The following SLC22A4 variants were observed in gnomAD, a reference collection of about 807,000 sequenced individuals.
The protein encoded by SLC22A4 is solute carrier family 22 member 4, also known as ET transporter.
SLC22A4 carries 39 observed loss-of-function variants against 56.6 expected under a neutral mutation model. The ratio of observed to expected loss-of-function variants is 0.69; its 90% CI spans 0.53 to 0.90. The LOEUF is 0.90. Among genes scored for constraint, SLC22A4 ranks in the 40% least tolerant of loss-of-function variants. The pLI, the probability that SLC22A4 is intolerant of heterozygous loss-of-function variation, is 0.00. For synonymous variants in SLC22A4, 241 were observed against 281.4 expected (o/e 0.86, Z 1.44); for missense variants, 594 against 696.5 (o/e 0.85, Z 1.66).
intron 4 of SLC22A4, among the ~76,000 whole-genome samples, chr5:132,325,346 T>A (rs758079187): frequency 1.3e-5 from 2 of 152,198 alleles, no homozygotes; most frequent in Non-Finnish European, 2.9e-5. Flanking sequence ...TCAATCACAC[T>A]AGCTCAATAG....
At chr5:132,328,548 T>C (rs1054329468) in intron 5 of SLC22A4, among the ~76,000 whole-genome samples, 5 of 149,380 alleles carry the variant, frequency 3.3e-5, no homozygotes, top group African/African-American at 5.0e-5. Context: ...AAGAAGTCCA[T>C]TTCAAGTCTC....
chr5:132,327,389 T>C lies in SLC22A4; in HGVS notation c.937T>C (p.Phe313Leu), dbSNP rs750523509. 2.4e-5 allele frequency: 39 copies of C among 1,612,810 alleles called. No homozygotes were observed. In the Admixed American group the frequency reaches 4.2e-4, roughly 17 times the overall value. The stretch of plus-strand genomic sequence containing the variant: ...CAACATAGCTGTACCAGCAGTGATA[T>C]TTGATTCTGTGGAGGTAAGCATTTG... ...MNNIAVPAVI[F>L]DSVEELNPLK... The change falls in exon 5 of 10, where the codon TTT (phenylalanine) becomes CTT (leucine). Residue 313 changes from phenylalanine (F) to leucine (L), a missense_variant. Coordinates refer to ENST00000200652, the MANE Select transcript of SLC22A4 (RefSeq NM_003059.3).
intron 1 of SLC22A4, among the ~76,000 whole-genome samples, chr5:132,299,399 A>G (rs404771): frequency 3.3e-4 from 6 of 17,916 alleles, no homozygotes; most frequent in Non-Finnish European, 1.2e-3. Flanking sequence ...TTTTCGTTTT[A>G]TTTTATTTTA....
At chr5:132,304,110 CA>C (rs1168452824) in intron 1 of SLC22A4, among the ~76,000 whole-genome samples, 1 of 152,178 alleles carries the variant, frequency 6.6e-6, no homozygotes, top group Non-Finnish European at 1.5e-5. Flanking sequence ...ACAAACAAAA[CA>C]AGAAAGAGAC....
chr5:132,320,261 A>G (rs1210005185), intron 3 of SLC22A4, among the ~76,000 whole-genome samples: 1 of 152,214 alleles, frequency 6.6e-6, no homozygotes, highest in East Asian at 1.9e-4. Context: ...AAGGTAGGAG[A>G]AAGCTCCTCT....
Position 132,343,951 on chromosome 5 carries a change from G to A in SLC22A4, c.*116G>A. 3 of 676,672 alleles carry A rather than the reference G, an allele frequency of 4.4e-6. No individual in the cohort carries two copies. The highest frequency in any genetic ancestry group is 7.9e-6 in the Non-Finnish European group (3 of 381,242). The allele number at this position is 676,672 out of a possible 1,614,324, so 41.9% of individuals were successfully genotyped here. A position where few individuals can be genotyped will look rare whatever the true frequency, so the allele number is the denominator to read the frequency against. ...AACGATTGACACCAAAATGAACCTT[G>A]CTATCAAGAAATGCTCGTCATACAG... On this transcript the variant is annotated 3_prime_UTR_variant, in exon 10 of 10. Transcript: ENST00000200652.
At chr5:132,301,704 C>G (rs551639527) in intron 1 of SLC22A4, among the ~76,000 whole-genome samples, 13 of 152,350 alleles carry the variant, frequency 8.5e-5, no homozygotes, top group African/African-American at 2.9e-4. Context: ...CAGACTAACC[C>G]TCACATGCGG....
chr5:132,306,414 T>G (rs1251329151), intron 1 of SLC22A4, among the ~76,000 whole-genome samples: 1 of 71,250 alleles, frequency 1.4e-5, no homozygotes, highest in African/African-American at 6.5e-5. Flanking sequence ...TATATATATA[T>G]ATATATATAT....
chr5:132,301,304 C>T (rs1749899877), intron 1 of SLC22A4, among the ~76,000 whole-genome samples: 1 of 152,276 alleles, frequency 6.6e-6, no homozygotes, highest in South Asian at 2.1e-4. Context: ...AGGTCTTGTG[C>T]TCCAGAGGCC....
At position 132,331,783 on chromosome 5, in the gene SLC22A4, G is replaced by A. The variant is rs1235545153; in HGVS notation, c.979G>A (p.Ala327Thr). Reference protein sequence around the residue: ...EELNPLKQQKAFILDLFRTRN... With the variant: ...EELNPLKQQKTFILDLFRTRN... ...GCTAAATCCCCTGAAGCAGCAGAAA[G>A]CTTTCATTCTGGACCTGTTCAGGAC... Residue 327 changes from alanine (A) to threonine (T), a missense_variant, in exon 6 of 10, where the codon GCT (alanine) becomes ACT (threonine). Transcript: ENST00000200652. The A allele has an allele frequency of 1.9e-6, 3 of 1,613,756 alleles. No homozygotes were observed. In the Admixed American group the frequency reaches 5.0e-5, roughly 27 times the overall value.
At chr5:132,338,704 G>A (rs920535321) in intron 8 of SLC22A4, among the ~76,000 whole-genome samples, 18 of 152,216 alleles carry the variant, frequency 1.2e-4, no homozygotes, top group Admixed American at 3.3e-4. Context: ...TGAAAGAAGA[G>A]AAATATGGCT....
At chr5:132,328,655 TC>T (rs1448804492) in intron 5 of SLC22A4, among the ~76,000 whole-genome samples, 1 of 152,118 alleles carries the variant, frequency 6.6e-6, no homozygotes, top group African/African-American at 2.4e-5. Context: ...GGGGTGTTTA[TC>T]GGTATTTATC....
chr5:132,337,958 T>C (rs1451097136), intron 8 of SLC22A4, among the ~76,000 whole-genome samples: 3 of 151,676 alleles, frequency 2.0e-5, no homozygotes, highest in African/African-American at 7.3e-5. Flanking sequence ...TTGGTCAGGC[T>C]GGTCTCAAAC....
chr5:132,325,860 A>G (rs1031752141), intron 4 of SLC22A4, among the ~76,000 whole-genome samples: 30 of 152,182 alleles, frequency 2.0e-4, no homozygotes, highest in African/African-American at 5.8e-4. Flanking sequence ...GCTTTCCATA[A>G]GACACGCCCA....
intron 1 of SLC22A4, among the ~76,000 whole-genome samples, chr5:132,300,589 T>C (rs1749886810): frequency 6.6e-6 from 1 of 152,252 alleles, no homozygotes; most frequent in South Asian, 2.1e-4. Flanking sequence ...TACATACTTA[T>C]TTTATTTCAT....
intron 4 of SLC22A4, 113 bp downstream of exon 4, chr5:132,322,468 C>T (rs1453843613): frequency 1.3e-5 from 13 of 1,028,588 alleles, no homozygotes; most frequent in South Asian, 5.2e-5. Context: ...ACGGAACTCG[C>T]GGAGGCCAGC....
At chr5:132,318,827 GC>G (rs970264703) in intron 3 of SLC22A4, among the ~76,000 whole-genome samples, 1 of 152,158 alleles carries the variant, frequency 6.6e-6, no homozygotes, top group Non-Finnish European at 1.5e-5. Context: ...TGCCCTAGAA[GC>G]AAAGCAGGCA....
intron 1 of SLC22A4, among the ~76,000 whole-genome samples, chr5:132,309,707 T>C (rs1750134127): frequency 6.6e-6 from 1 of 152,274 alleles, no homozygotes; most frequent in African/African-American, 2.4e-5. Flanking sequence ...ATTGCTGTAT[T>C]GAAATTCTTA....
In SLC22A4 at chr5:132,343,990, A is replaced by G; in HGVS notation, c.*155A>G. On this transcript the variant is annotated 3_prime_UTR_variant, in exon 10 of 10. Coordinates refer to ENST00000200652, the MANE Select transcript of SLC22A4 (RefSeq NM_003059.3). Reference sequence around the variant, plus strand: ...CTCGTCATACAGTAAACTCTGGATGATTCTTCCAGATAATGTCCTTGCTTT... The same window carrying G: ...CTCGTCATACAGTAAACTCTGGATGGTTCTTCCAGATAATGTCCTTGCTTT... The G allele has an allele frequency of 1.7e-6, 1 of 603,132 alleles. No homozygotes were observed. The highest frequency in any genetic ancestry group is 3.0e-6 in the Non-Finnish European group (1 of 335,086). 37.4% of individuals were successfully genotyped at this position (603,132 alleles called of 1,614,324 possible).
Sources: gnomAD v4.1 joint callset for allele counts (sites outside exome capture counted in the v4.1 genomes callset) on GRCh38, gnomAD v4.1.1 for gene constraint, MANE v1.5 for transcripts, NCBI Gene and HGNC (gene_info 2026-07-23, HGNC 2026-07-21) for gene names.